The following SLC2A10 variants were observed in gnomAD, a reference collection of about 807,000 sequenced individuals.
SLC2A10 encodes the protein solute carrier family 2, facilitated glucose transporter member 10.
Under a neutral mutation model 32.1 loss-of-function variants are expected in SLC2A10, and 25 were observed. The ratio of observed to expected loss-of-function variants is 0.78; its 90% confidence interval spans 0.57 to 1.09. The LOEUF (loss-of-function observed/expected upper bound fraction) is 1.09, where lower values mean the gene tolerates loss of function less well. SLC2A10 is among the 50% of genes least tolerant of loss of function. The pLI is 0.00. For missense variants in SLC2A10, 673 were observed against 686.5 expected, an observed-to-expected ratio of 0.98 and a Z score of 0.22; for synonymous variants, 332 against 309.6, an observed-to-expected ratio of 1.07 and a Z score of -0.76.
chr20:46,730,927 T>C (rs1600673154), intron 4 of SLC2A10, among the ~76,000 whole-genome samples: 1 of 152,214 alleles, frequency 6.6e-6, no homozygotes, highest in South Asian at 2.1e-4. Context: ...CATTCTATTA[T>C]TGACTAGCAT....
intron 4 of SLC2A10, among the ~76,000 whole-genome samples, chr20:46,733,263 T>C (rs1980390666): frequency 1.3e-5 from 2 of 152,144 alleles, no homozygotes; most frequent in Admixed American, 6.5e-5. Context: ...ACATCTTCCA[T>C]GGCGGGAGCA....
At position 46,729,487 on chromosome 20, in the gene SLC2A10, C is replaced by T. The variant is rs774991993; in HGVS notation, c.1546C>T (p.Arg516Trp). The T allele has an allele frequency of 6.8e-6, 11 of 1,613,872 alleles. No homozygotes were observed. Among genetic ancestry groups the T allele is most frequent in the South Asian group, 3.3e-5 (3 of 91,078 alleles). Reference protein sequence around the residue: ...AEIDQQFQKRRFTLSFGHRQN... With the variant: ...AEIDQQFQKRWFTLSFGHRQN... The stretch of plus-strand genomic sequence containing the variant: ...GATAGACCAGCAGTTCCAGAAGAGA[C>T]GGTAGGAAGCTGACAGGGTGGGTCT... Residue 516 changes from arginine (R) to tryptophan (W), a missense_variant and splice_region_variant, in exon 4 of 5, where the codon CGG becomes TGG. Transcript: ENST00000359271.
chr20:46,713,955 T>G (rs952211045), intron 1 of SLC2A10, among the ~76,000 whole-genome samples: 1 of 152,084 alleles, frequency 6.6e-6, no homozygotes, highest in Non-Finnish European at 1.5e-5. Context: ...TGGGAATTGG[T>G]CAGGAACTCC....
chr20:46,708,433 G>T (rs1186256349), upstream of SLC2A10, among the ~76,000 whole-genome samples: 2 of 152,088 alleles, frequency 1.3e-5, no homozygotes, highest in East Asian at 3.9e-4. Flanking sequence ...TGAATCCCAG[G>T]CTCATAGCCA....
rs373092408 is a variant in SLC2A10 at position 46,734,010 on chromosome 20, C to T, written c.*176C>T. 3.0e-6 allele frequency: 2 copies of T among 675,812 alleles called. No homozygotes were observed. Among genetic ancestry groups the T allele is most frequent in the East Asian group, 2.7e-5 (1 of 36,658 alleles). 41.9% of individuals were successfully genotyped at this position (675,812 alleles called of 1,614,324 possible). On this transcript the variant is annotated 3_prime_UTR_variant, in exon 5 of 5. Transcript: ENST00000359271. ...GATGAAAGTCTGAGAATGCCCAACT[C>T]TTCATTTTGAGTCTCAGGCCCTGAA...
chr20:46,708,804 C>T (rs1366030513), upstream of SLC2A10, among the ~76,000 whole-genome samples: 1 of 152,156 alleles, frequency 6.6e-6, no homozygotes, highest in Non-Finnish European at 1.5e-5. Context: ...CCTGTCTTCT[C>T]CTCTGCTCCA....
chr20:46,733,886 C>T lies in SLC2A10; in HGVS notation c.*52C>T, dbSNP rs1980433634. 3 of 1,548,020 alleles carry T rather than the reference C, an allele frequency of 1.9e-6. No homozygotes were observed. Among genetic ancestry groups the T allele is most frequent in the African/African-American group, 1.4e-5 (1 of 73,422 alleles). On this transcript the variant is annotated 3_prime_UTR_variant, in exon 5 of 5. Transcript: ENST00000359271. ...AACTGTGGCTTTGGCAGACCATCTCCAGCATCCTGCTTCCTAGGCCCCAGA... is the reference window on the plus strand; with the variant it reads ...AACTGTGGCTTTGGCAGACCATCTCTAGCATCCTGCTTCCTAGGCCCCAGA...
chr20:46,709,679 C>A lies in SLC2A10; in HGVS notation c.-58C>A. On this transcript the variant is annotated 5_prime_UTR_variant, in exon 1 of 5. Transcript: ENST00000359271. ...GCGGCAGCGGCGTTGGGGACTCCGGCGGGGGATGCGCGCCCGGCCCCTCAG... is the reference window on the plus strand; with the variant it reads ...GCGGCAGCGGCGTTGGGGACTCCGGAGGGGGATGCGCGCCCGGCCCCTCAG... 1.3e-6 allele frequency: 2 copies of A among 1,532,814 alleles called. No individual in the cohort carries two copies. Among genetic ancestry groups the A allele is most frequent in the South Asian group, 2.4e-5 (2 of 82,654 alleles). 95.0% of individuals were successfully genotyped at this position (1,532,814 alleles called of 1,614,324 possible).
Position 46,725,339 on chromosome 20 carries a change from G to A in SLC2A10, c.303G>A (p.Leu101=), listed in dbSNP as rs527497095. Residue 101 remains leucine (L), a synonymous_variant, in exon 2 of 5, where the codon CTG becomes CTA. Coordinates refer to ENST00000359271, the MANE Select transcript of SLC2A10 (RefSeq NM_030777.4). The part of the protein sequence containing the change: ...TLGLAGSLAW[L]VLGRAVVGFA... ...GCCTGGCTGGTTCCCTGGCCTGGCT[G>A]GTCCTGGGCCGCGCTGTGGTTGGCT... 1 of 1,614,116 alleles carries A rather than the reference G, an allele frequency of 6.2e-7. No individual in the cohort carries two copies. Among genetic ancestry groups the A allele is most frequent in the Non-Finnish European group, 8.5e-7 (1 of 1,180,040 alleles).
intron 4 of SLC2A10, 22 bp from the exon 5 acceptor site, chr20:46,733,734 C>T: frequency 6.2e-7 from 1 of 1,610,682 alleles, no homozygotes; most frequent in Non-Finnish European, 8.5e-7. Context: ...CCCCCTGATC[C>T]CACGCATTCT....
chr20:46,710,241 C>T (rs1484467601), intron 1 of SLC2A10: 1 of 400,568 alleles, frequency 2.5e-6, no homozygotes, highest in Non-Finnish European at 4.4e-6. Flanking sequence ...GAGATTCTAA[C>T]ACAGCATTGG....
At chr20:46,731,172 C>A (rs1326397310) in intron 4 of SLC2A10, among the ~76,000 whole-genome samples, 1 of 152,172 alleles carries the variant, frequency 6.6e-6, no homozygotes, top group Non-Finnish European at 1.5e-5. Flanking sequence ...GCCATGAGCT[C>A]ATGTAGGGTC....
chr20:46,711,851 G>A (rs1430757167), intron 1 of SLC2A10, among the ~76,000 whole-genome samples: 1 of 152,126 alleles, frequency 6.6e-6, no homozygotes, highest in African/African-American at 2.4e-5. Context: ...CTTATCACAG[G>A]GTAGCCATGA....
intron 1 of SLC2A10, among the ~76,000 whole-genome samples, chr20:46,723,696 C>A (rs962533150): frequency 3.0e-4 from 45 of 152,250 alleles, no homozygotes; most frequent in African/African-American, 1.1e-3. Context: ...CTGGCCCCTG[C>A]CTATTTCTCC....
Position 46,729,507 on chromosome 20 carries a change from G to A in SLC2A10, c.1547+19G>A, listed in dbSNP as rs546525339. 23 of 1,613,888 alleles carry A rather than the reference G, an allele frequency of 1.4e-5. No individual in the cohort carries two copies. In the Admixed American group the frequency reaches 3.2e-4, roughly 22 times the overall value. On this transcript the variant is annotated intron_variant, in intron 4 of 4. Coordinates refer to ENST00000359271, the MANE Select transcript of SLC2A10 (RefSeq NM_030777.4). ...AGAGACGGTAGGAAGCTGACAGGGT[G>A]GGTCTGGGGGAAGAGCTGTAGCACA...
chr20:46,709,447 G>C, upstream of SLC2A10: 1 of 437,310 alleles, frequency 2.3e-6, no homozygotes, highest in Non-Finnish European at 4.0e-6. Flanking sequence ...GGGGACCCGG[G>C]AGATGGCGGG....
rs1390026766 is a variant in SLC2A10 at position 46,736,117 on chromosome 20, T to C, written c.*2283T>C. 6.6e-6 allele frequency: 1 copy of C among 152,214 alleles called. No homozygotes were observed. The highest frequency in any genetic ancestry group is 1.5e-5 in the Non-Finnish European group (1 of 68,046). 9.4% of individuals were successfully genotyped at this position (152,214 alleles called of 1,614,324 possible). A position where few individuals can be genotyped will look rare whatever the true frequency, so the allele number is the denominator to read the frequency against. On this transcript the variant is annotated 3_prime_UTR_variant, in exon 5 of 5. Transcript: ENST00000359271. ...AACAAAATATTCTGTAAGAATCAAT[T>C]GTCTATATGGAATTTAGGATAAAGA...
intron 3 of SLC2A10, 124 bp from the exon 4 acceptor site, chr20:46,729,229 C>T (rs1980140639): frequency 8.3e-7 from 1 of 1,209,804 alleles, no homozygotes; most frequent in Admixed American, 1.7e-5. Flanking sequence ...GCAAATTGAC[C>T]AACGGGAACA....
intron 1 of SLC2A10, among the ~76,000 whole-genome samples, chr20:46,721,361 C>G (rs4810546): frequency 0.15 from 22,964 of 151,474 alleles, 3,085 homozygotes; most frequent in African/African-American, 0.35. Context: ...TTTTGCAAAT[C>G]TCTAAATTAT....
Sources: allele counts gnomAD v4.1 joint callset (sites outside exome capture counted in the v4.1 genomes callset), GRCh38; gene constraint gnomAD v4.1.1; transcripts MANE v1.5; gene names NCBI Gene and HGNC (gene_info 2026-07-23, HGNC 2026-07-21).